Variants in BLOC1S5 observed in about 807,000 individuals in gnomAD.
BLOC1S5 encodes biogenesis of lysosomal organelles complex 1 subunit 5, also known as biogenesis of lysosome-related organelles complex 1 subunit 5.
In BLOC1S5, 27 loss-of-function variants were observed where a neutral mutation model predicts 24.3. That is an observed-to-expected ratio of 1.11 (90% CI 0.82 to 1.53). BLOC1S5 has a LOEUF of 1.53. Among genes scored for constraint, BLOC1S5 ranks in the 40% most tolerant of loss-of-function variants. The probability of loss-of-function intolerance (pLI) is 0.00; values close to 1 mark genes in which losing one functional copy is unlikely to be tolerated. For synonymous variants in BLOC1S5, 84 were observed against 74.5 expected (o/e 1.13, Z -0.66); for missense variants, 239 against 229.4 (o/e 1.04, Z -0.27).
At chr6:8,045,352 A>G (rs1763842641) in intron 2 of BLOC1S5, among the ~76,000 whole-genome samples, 1 of 152,224 alleles carries the variant, frequency 6.6e-6, no homozygotes, top group Non-Finnish European at 1.5e-5. Flanking sequence ...TGTCCAGGCA[A>G]AAGTTTGCTG....
chr6:8,062,169 T>C (rs1410919921), intron 2 of BLOC1S5, among the ~76,000 whole-genome samples: 4 of 152,322 alleles, frequency 2.6e-5, no homozygotes, highest in South Asian at 2.1e-4. Flanking sequence ...ATTTGACTGC[T>C]TGCATAATTG....
In BLOC1S5 at chr6:8,015,831, G is replaced by C; in HGVS notation, c.385-3C>G. The stretch of plus-strand genomic sequence containing the variant: ...GCTACTAAGTGGTCACTATGAATCT[G>C]AGAAAAGAAAATTAGAAAGTCACAC... On this transcript the variant is annotated splice_polypyrimidine_tract_variant and splice_region_variant and intron_variant, in intron 4 of 4. Coordinates refer to ENST00000397457, the MANE Select transcript of BLOC1S5 (RefSeq NM_201280.3). The C allele has an allele frequency of 6.3e-7, 1 of 1,590,282 alleles. No individual in the cohort carries two copies. The highest frequency in any genetic ancestry group is 8.5e-7 in the Non-Finnish European group (1 of 1,171,408).
At chr6:8,037,007 GCAAACCCACAGCTAACATCA>G (rs1185783687) in intron 3 of BLOC1S5, among the ~76,000 whole-genome samples, 1 of 152,012 alleles carries the variant, frequency 6.6e-6, no homozygotes, top group Non-Finnish European at 1.5e-5. Flanking sequence ...ATAGCTGTGG[GCAAACCCACAGCTAACATCA>G]TACTGAATGA....
At chr6:8,035,349 T>TC (rs1763450108) in intron 3 of BLOC1S5, among the ~76,000 whole-genome samples, 1 of 117,778 alleles carries the variant, frequency 8.5e-6, no homozygotes, top group Non-Finnish European at 1.9e-5. Flanking sequence ...AAAAATCTTT[T>TC]TTTTTTTTTT....
At chr6:8,035,108 C>T (rs1301501203) in intron 3 of BLOC1S5, among the ~76,000 whole-genome samples, 5 of 151,952 alleles carry the variant, frequency 3.3e-5, no homozygotes, top group African/African-American at 7.3e-5. Context: ...AACCAAACGT[C>T]GTTATGTTCT....
intron 4 of BLOC1S5, among the ~76,000 whole-genome samples, chr6:8,016,463 AT>A (rs1296874291): frequency 6.6e-6 from 1 of 152,380 alleles, no homozygotes; most frequent in Non-Finnish European, 1.5e-5. Flanking sequence ...TTTTAAAAAA[AT>A]ATATGCTAAA....
At chr6:8,022,579 C>CTTTT (rs756972606) in intron 4 of BLOC1S5, among the ~76,000 whole-genome samples, 13,758 of 72,512 alleles carry the variant, frequency 0.19, 2,287 homozygotes, top group East Asian at 0.46. Context: ...TTTTTTTTTT[C>CTTTT]TTTTTTTTTT....
chr6:8,036,961 C>G (rs1373901161), intron 3 of BLOC1S5, among the ~76,000 whole-genome samples: 5 of 152,062 alleles, frequency 3.3e-5, no homozygotes, highest in African/African-American at 1.2e-4. Context: ...GATAAAAACT[C>G]TCAACAAACT....
chr6:8,015,910 T>A, intron 4 of BLOC1S5, 82 bp from the exon 5 acceptor site: 1 of 1,288,042 alleles, frequency 7.8e-7, no homozygotes, highest in Non-Finnish European at 1.1e-6. Context: ...TTGGTTACCG[T>A]AACAATCAGC....
At chr6:8,052,913 G>T (rs554805323) in intron 2 of BLOC1S5, among the ~76,000 whole-genome samples, 2 of 150,904 alleles carry the variant, frequency 1.3e-5, no homozygotes, top group South Asian at 4.2e-4. Context: ...AAAAAAAGAA[G>T]TGGAGCCTGA....
chr6:8,059,040 T>C (rs1764426398), intron 2 of BLOC1S5, among the ~76,000 whole-genome samples: 1 of 152,240 alleles, frequency 6.6e-6, no homozygotes, highest in South Asian at 2.1e-4. Context: ...CCACCATCAG[T>C]CTCTGCTCTG....
chr6:8,059,264 T>C (rs2113607825), intron 2 of BLOC1S5, among the ~76,000 whole-genome samples: 1 of 152,350 alleles, frequency 6.6e-6, no homozygotes, highest in East Asian at 1.9e-4. Flanking sequence ...TCATCTGTCC[T>C]TAAATATTAA....
At chr6:8,042,814 TG>T (rs1486326476) in intron 2 of BLOC1S5, among the ~76,000 whole-genome samples, 1 of 152,206 alleles carries the variant, frequency 6.6e-6, no homozygotes, top group African/African-American at 2.4e-5. Flanking sequence ...CTGAAAATGC[TG>T]TATGTGCTAG....
chr6:8,028,377 A>ATTTGATT, intron 3 of BLOC1S5, among the ~76,000 whole-genome samples: 1 of 151,888 alleles, frequency 6.6e-6, no homozygotes, highest in Non-Finnish European at 1.5e-5. Flanking sequence ...AAAAAAAAAA[A>ATTTGATT]CAGGAGTTGA....
intron 3 of BLOC1S5, among the ~76,000 whole-genome samples, chr6:8,032,687 G>T (rs1356300089): frequency 2.6e-5 from 4 of 152,148 alleles, no homozygotes; most frequent in African/African-American, 9.7e-5. Flanking sequence ...AAGTCAAATT[G>T]TCCCTGTTTG....
rs534901572 is a variant in BLOC1S5, at chr6:8,063,225, G to A, written c.113-609C>T. Reference sequence around the variant, plus strand: ...TGGATAGTGGCTACCTTGAGACGAGGGAGGGGAACTAGTGCAATTAGAGCA... The same window carrying A: ...TGGATAGTGGCTACCTTGAGACGAGAGAGGGGAACTAGTGCAATTAGAGCA... On this transcript the variant is annotated intron_variant, in intron 1 of 4. Coordinates refer to ENST00000397457, the MANE Select transcript of BLOC1S5 (RefSeq NM_201280.3). Among the ~76,000 whole-genome samples, 35 of 152,202 alleles carry A rather than the reference G, an allele frequency of 2.3e-4. 1 individual carries two copies. The highest frequency in any genetic ancestry group is 8.2e-4 in the African/African-American group (34 of 41,550).
chr6:8,016,717 A>G (rs1220849582), intron 4 of BLOC1S5, among the ~76,000 whole-genome samples: 1 of 151,810 alleles, frequency 6.6e-6, no homozygotes, highest in Non-Finnish European at 1.5e-5. Flanking sequence ...AAATATAAAA[A>G]TTAGCCGGTG....
chr6:8,056,036 A>G (rs1331561236), intron 2 of BLOC1S5, among the ~76,000 whole-genome samples: 1 of 152,194 alleles, frequency 6.6e-6, no homozygotes, highest in Non-Finnish European at 1.5e-5. Context: ...AGACAAGTTC[A>G]GCCCCCTTCT....
At chr6:8,054,422 T>G in intron 2 of BLOC1S5, 1 of 305,254 alleles carries the variant, frequency 3.3e-6, no homozygotes. Flanking sequence ...TAGGTAGAAG[T>G]CTCTCTAATC....
Sources: gnomAD v4.1 joint callset for allele counts (sites outside exome capture counted in the v4.1 genomes callset) on GRCh38, gnomAD v4.1.1 for gene constraint, MANE v1.5 for transcripts, NCBI Gene and HGNC (gene_info 2026-07-23, HGNC 2026-07-21) for gene names.